Variants in KANSL1 observed in about 807,000 individuals in gnomAD.
KANSL1 encodes KAT8 regulatory NSL complex subunit 1, also known as MLL1/MLL complex subunit KANSL1.
A neutral mutation model predicts 103.6 loss-of-function variants in KANSL1; 22 were observed. The observed-to-expected ratio is 0.21, with a 90% confidence interval of 0.15 to 0.30. The LOEUF (loss-of-function observed/expected upper bound fraction) is 0.30, where lower values mean the gene tolerates loss of function less well. KANSL1 is among the 10% of genes least tolerant of loss of function. The probability of loss-of-function intolerance (pLI) is 1.00; values close to 1 mark genes in which losing one functional copy is unlikely to be tolerated. For synonymous variants in KANSL1, 600 were observed against 527.6 expected, an observed-to-expected ratio of 1.14 and a Z score of -1.88; for missense variants, 1,337 against 1,399.8, an observed-to-expected ratio of 0.96 and a Z score of 0.72.
chr17:46,032,966 A>G, intron 13 of KANSL1, 114 bp downstream of exon 13: 1 of 739,594 alleles, frequency 1.4e-6, no homozygotes, highest in East Asian at 2.7e-5. Context: ...CTGCCAGTAG[A>G]TGAGTATGAT....
chr17:46,060,278 T>G (rs1041038302), intron 6 of KANSL1, among the ~76,000 whole-genome samples: 59 of 152,354 alleles, frequency 3.9e-4, no homozygotes, highest in African/African-American at 1.4e-3. Context: ...GTTATCTAAC[T>G]CATCCACTGT....
At chr17:46,032,388 G>C in intron 13 of KANSL1, 89 bp from the exon 14 acceptor site, 2 of 1,195,082 alleles carry the variant, frequency 1.7e-6, no homozygotes. Context: ...CACTGGAGGA[G>C]TTGAGGCAAA....
intron 6 of KANSL1, among the ~76,000 whole-genome samples, chr17:46,051,048 T>G (rs890913349): frequency 3.3e-5 from 5 of 152,236 alleles, no homozygotes; most frequent in African/African-American, 1.2e-4. Context: ...AAACTCTGCA[T>G]GCTTTCACGA....
intron 7 of KANSL1, among the ~76,000 whole-genome samples, chr17:46,046,621 A>G (rs1020116918): frequency 6.7e-6 from 1 of 148,930 alleles, no homozygotes; most frequent in African/African-American, 2.5e-5. Context: ...GTGGATCACG[A>G]GGTCAGGAGT....
chr17:46,128,282 C>A (rs191493588), intron 2 of KANSL1, among the ~76,000 whole-genome samples: 1 of 152,184 alleles, frequency 6.6e-6, no homozygotes, highest in African/African-American at 2.4e-5. Flanking sequence ...TCTCACAGAA[C>A]CTTGTGCCTT....
At chr17:46,101,528 G>A (rs138472541) in intron 2 of KANSL1, among the ~76,000 whole-genome samples, 66 of 152,162 alleles carry the variant, frequency 4.3e-4, no homozygotes, top group Non-Finnish European at 6.5e-4. Context: ...GAGGCAGGCA[G>A]ATCACAAGAT....
At position 46,039,280 on chromosome 17, in the gene KANSL1, C is replaced by T; in HGVS notation, c.2204-65G>A. 3.4e-6 allele frequency: 5 copies of T among 1,449,634 alleles called. No homozygotes were observed. In the South Asian group the frequency reaches 7.1e-5, roughly 21 times the overall value. 89.8% of individuals were successfully genotyped at this position (1,449,634 alleles called of 1,614,324 possible). On this transcript the variant is annotated intron_variant, in intron 8 of 14. Transcript: ENST00000432791. ...TCTCAAATATTTTCTTATTCGAGTT[C>T]CAAGCTCTCGAGTTCTCTCTAGGCC...
chr17:46,148,996 C>CT (rs74407996), intron 2 of KANSL1, among the ~76,000 whole-genome samples: 8 of 124,150 alleles, frequency 6.4e-5, no homozygotes, highest in African/African-American at 9.4e-5. Flanking sequence ...ATTCTTGCCT[C>CT]TTTTTTTCTT....
At chr17:46,198,422 T>TTAAAA (rs1567797004), upstream of KANSL1, among the ~76,000 whole-genome samples, 4 of 96,118 alleles carry the variant, frequency 4.2e-5, no homozygotes, top group Admixed American at 1.1e-4. Context: ...CTACTTTAAT[T>TTAAAA]AAAAAAAAAA....
rs1000759852 is a variant in KANSL1, at chr17:46,038,821, C to G, written c.2393-135G>C. On this transcript the variant is annotated intron_variant, in intron 9 of 14. Coordinates refer to ENST00000432791, the MANE Select transcript of KANSL1 (RefSeq NM_015443.4). ...ATGCCTAGAGGATAAAAAGGTGAAG[C>G]ACACTAGCTGTGGGAAGTAGGGGCA... The G allele has an allele frequency of 7.1e-6, 9 of 1,263,836 alleles. No homozygotes were observed. The Admixed American group carries it at 1.4e-4, about 20-fold the overall frequency. 78.3% of individuals were successfully genotyped at this position (1,263,836 alleles called of 1,614,324 possible). A position where few individuals can be genotyped will look rare whatever the true frequency, so the allele number is the denominator to read the frequency against.
intron 6 of KANSL1, among the ~76,000 whole-genome samples, chr17:46,059,365 T>C (rs2078063632): frequency 1.3e-5 from 2 of 151,994 alleles, no homozygotes; most frequent in South Asian, 4.2e-4. Flanking sequence ...ACACCTGTAA[T>C]CCCAGCACTT....
chr17:46,085,405 T>C (rs1475771920), intron 3 of KANSL1, among the ~76,000 whole-genome samples: 1 of 152,220 alleles, frequency 6.6e-6, no homozygotes, highest in Non-Finnish European at 1.5e-5. Context: ...AGCACGGTGA[T>C]TGTATCTTAC....
At chr17:46,141,712 T>C (rs550985734) in intron 2 of KANSL1, among the ~76,000 whole-genome samples, 1 of 152,246 alleles carries the variant, frequency 6.6e-6, no homozygotes, top group East Asian at 1.9e-4. Context: ...TGGAAAGATA[T>C]TCTTTACAAG....
intron 1 of KANSL1, among the ~76,000 whole-genome samples, chr17:46,206,083 CAAAAAA>C (rs71226716): frequency 1.1e-5 from 1 of 89,598 alleles, no homozygotes. Context: ...CTGTGTCCCC[CAAAAAA>C]AAAAAAAAAA....
At chr17:46,220,326 C>G (rs1477991595) in intron 1 of KANSL1, among the ~76,000 whole-genome samples, 4 of 151,762 alleles carry the variant, frequency 2.6e-5, no homozygotes, top group African/African-American at 9.7e-5. Context: ...ACGCCATTCT[C>G]CTGCCTCAGC....
chr17:46,204,000 C>A, intron 1 of KANSL1, among the ~76,000 whole-genome samples: 1 of 151,864 alleles, frequency 6.6e-6, no homozygotes, highest in East Asian at 1.9e-4. Flanking sequence ...AATAGCAAGA[C>A]CCTGTCTCAC....
intron 4 of KANSL1, among the ~76,000 whole-genome samples, chr17:46,069,868 G>C (rs2078513258): frequency 6.6e-6 from 1 of 151,944 alleles, no homozygotes; most frequent in Non-Finnish European, 1.5e-5. Flanking sequence ...AGTCATATAA[G>C]TATGCTACAA....
upstream of KANSL1, chr17:46,225,326 C>G (rs2048653927): frequency 6.5e-6 from 1 of 152,790 alleles, no homozygotes; most frequent in Non-Finnish European, 1.5e-5. Context: ...GCAGCTCCCC[C>G]AGCCCCGGAC....
chr17:46,053,764 C>T (rs2077814040), intron 6 of KANSL1, among the ~76,000 whole-genome samples: 1 of 152,106 alleles, frequency 6.6e-6, no homozygotes. Flanking sequence ...TTAAAGGATA[C>T]ATTTTGGAAA....
Sources: allele counts gnomAD v4.1 joint callset (sites outside exome capture counted in the v4.1 genomes callset), GRCh38; gene constraint gnomAD v4.1.1; transcripts MANE v1.5; gene names NCBI Gene and HGNC (gene_info 2026-07-23, HGNC 2026-07-21).